MORC1: variants seen among roughly 807,000 people sequenced by gnomAD.
The protein encoded by MORC1 is MORC family CW-type zinc finger protein 1.
A neutral mutation model predicts 134.9 loss-of-function variants in MORC1; 59 were observed. The observed-to-expected ratio is 0.44, with a 90% CI of 0.35 to 0.54. The LOEUF (loss-of-function observed/expected upper bound fraction) is 0.54. Ranked by LOEUF, MORC1 falls within the 20% of genes least tolerant of loss-of-function variation. The pLI, the probability that MORC1 is intolerant of heterozygous loss-of-function variation, is 0.00. For missense variants in MORC1, 947 were observed against 1,134.5 expected, an observed-to-expected ratio of 0.83 and a Z score of 2.37; for synonymous variants, 395 against 391.7, an observed-to-expected ratio of 1.01 and a Z score of -0.10.
At chr3:109,080,225 T>G (rs941177719) in intron 8 of MORC1, among the ~76,000 whole-genome samples, 1 of 152,146 alleles carries the variant, frequency 6.6e-6, no homozygotes, top group African/African-American at 2.4e-5. Flanking sequence ...TGGGGAAGCC[T>G]CACAATCATG....
At chr3:109,033,030 T>C (rs1949274992) in intron 15 of MORC1, among the ~76,000 whole-genome samples, 1 of 152,150 alleles carries the variant, frequency 6.6e-6, no homozygotes, top group Non-Finnish European at 1.5e-5. Context: ...GTTATTATTA[T>C]TATTATCTCA....
chr3:109,006,231 A>G (rs1948536116), intron 18 of MORC1, among the ~76,000 whole-genome samples: 1 of 152,186 alleles, frequency 6.6e-6, no homozygotes, highest in African/African-American at 2.4e-5. Context: ...TGGTGATCTT[A>G]GATAAATTAC....
At chr3:109,077,850 T>C (rs769837780) in intron 8 of MORC1, among the ~76,000 whole-genome samples, 5 of 152,002 alleles carry the variant, frequency 3.3e-5, no homozygotes, top group Non-Finnish European at 5.9e-5. Context: ...TCTAGTTATA[T>C]GCTGTTTGTA....
At chr3:108,982,544 C>T (rs1417549628) in intron 23 of MORC1, among the ~76,000 whole-genome samples, 3 of 121,786 alleles carry the variant, frequency 2.5e-5, no homozygotes, top group African/African-American at 1.0e-4. Context: ...CACTTGGACA[C>T]AGGGTGGGGA....
At chr3:109,092,600 T>C (rs12638235) in intron 8 of MORC1, among the ~76,000 whole-genome samples, 72,229 of 152,028 alleles carry the variant, frequency 0.48, 20,310 homozygotes, top group East Asian at 0.9. Context: ...TCAATATTTT[T>C]CATATTGAAA....
intron 17 of MORC1, among the ~76,000 whole-genome samples, chr3:109,011,200 G>A (rs1182185586): frequency 6.6e-6 from 1 of 152,146 alleles, no homozygotes. Context: ...GGGCAACACA[G>A]TGAGACCACA....
intron 8 of MORC1, among the ~76,000 whole-genome samples, chr3:109,090,942 G>A (rs993298848): frequency 2.0e-5 from 3 of 152,002 alleles, no homozygotes; most frequent in Admixed American, 1.3e-4. Context: ...CCAGATTAGA[G>A]GTTCAAATAT....
chr3:108,963,416 G>C lies in MORC1; in HGVS notation c.2797C>G (p.Leu933Val). 1 of 1,609,236 alleles carries C rather than the reference G, an allele frequency of 6.2e-7. No homozygotes were observed. Among genetic ancestry groups the C allele is most frequent in the Non-Finnish European group, 8.5e-7 (1 of 1,178,706 alleles). ...TCAAATACAACTTTTTCACTCACCA[G>C]TTGGAGTTTCTGCAACAATAGTGCC... ...KLALLLQKLQ[L>V]GGPEGDLEQT... The change falls in exon 27 of 28, where the codon CTG becomes GTG. Residue 933 changes from leucine (L) to valine (V), a missense_variant and splice_region_variant. Physicochemically the swap from Leu to Val is conservative, Grantham distance 32. Transcript: ENST00000232603.
At chr3:109,044,938 C>T (rs866643759) in intron 14 of MORC1, among the ~76,000 whole-genome samples, 27 of 137,670 alleles carry the variant, frequency 2.0e-4, no homozygotes, top group African/African-American at 6.8e-4. Context: ...GAGTGAGACT[C>T]TGTCTCAAAA....
At chr3:109,007,864 A>T (rs1028523919) in intron 17 of MORC1, among the ~76,000 whole-genome samples, 1 of 152,100 alleles carries the variant, frequency 6.6e-6, no homozygotes, top group South Asian at 2.1e-4. Context: ...TATTCCATTA[A>T]TATGTGACCA....
chr3:109,084,587 A>G (rs1379478490), intron 8 of MORC1, among the ~76,000 whole-genome samples: 1 of 152,134 alleles, frequency 6.6e-6, no homozygotes, highest in African/African-American at 2.4e-5. Context: ...ACCCAAAGCA[A>G]TTTACACATT....
chr3:109,051,379 T>C (rs1260702994), intron 14 of MORC1, among the ~76,000 whole-genome samples: 2 of 152,238 alleles, frequency 1.3e-5, no homozygotes, highest in Admixed American at 6.5e-5. Context: ...CCTGTAATAC[T>C]GGTTTTCAGA....
chr3:108,969,812 A>T, intron 25 of MORC1, 90 bp from the exon 26 acceptor site: 1 of 1,285,790 alleles, frequency 7.8e-7, no homozygotes, highest in South Asian at 1.2e-5. Flanking sequence ...CATTGAGTAT[A>T]AAAAGCATCA....
intron 21 of MORC1, among the ~76,000 whole-genome samples, chr3:108,996,286 G>GCGCGCACGCACACACACACACA: frequency 2.0e-5 from 3 of 146,382 alleles, no homozygotes; most frequent in African/African-American, 7.7e-5. Flanking sequence ...GCGCGCGCGC[G>GCGCGCACGCACACACACACACA]CACACACACA....
intron 24 of MORC1, among the ~76,000 whole-genome samples, chr3:108,971,897 G>A (rs1000006707): frequency 6.6e-5 from 10 of 152,020 alleles, no homozygotes; most frequent in Non-Finnish European, 1.3e-4. Context: ...ACAATGCCTC[G>A]CAATCCATGA....
At chr3:109,092,618 G>A (rs1398975580) in intron 8 of MORC1, among the ~76,000 whole-genome samples, 1 of 151,906 alleles carries the variant, frequency 6.6e-6, no homozygotes, top group Non-Finnish European at 1.5e-5. Context: ...AAATTTAAAT[G>A]ACAATATTTT....
Position 108,965,719 on chromosome 3 carries a change from T to C in MORC1, c.2605-2111A>G, listed in dbSNP as rs79770762. Among the ~76,000 whole-genome samples, 456 of 152,296 alleles carry C rather than the reference T, an allele frequency of 3.0e-3. 1 individual carries two copies. Among genetic ancestry groups the C allele is most frequent in the African/African-American group, 9.3e-3 (387 of 41,552 alleles). On this transcript the variant is annotated intron_variant, in intron 26 of 27. Transcript: ENST00000232603. ...GATATTGTACCATAATTATGCATAATTATGCACTGGGGAAACCGGGTGATG... is the reference window on the plus strand; with the variant it reads ...GATATTGTACCATAATTATGCATAACTATGCACTGGGGAAACCGGGTGATG...
chr3:108,982,585 G>GGC (rs1553743069), intron 23 of MORC1, among the ~76,000 whole-genome samples: 1 of 151,432 alleles, frequency 6.6e-6, no homozygotes, highest in Admixed American at 6.6e-5. Context: ...TCGTGGGATG[G>GGC]GGGGGGCAGG....
intron 20 of MORC1, among the ~76,000 whole-genome samples, chr3:109,004,370 A>G (rs1389421560): frequency 1.3e-5 from 2 of 152,370 alleles, no homozygotes; most frequent in African/African-American, 4.8e-5. Context: ...CTAGGCAGTA[A>G]ATTTTGGCTT....
Sources: gnomAD v4.1 joint callset for allele counts (sites outside exome capture counted in the v4.1 genomes callset) on GRCh38, gnomAD v4.1.1 for gene constraint, MANE v1.5 for transcripts, NCBI Gene and HGNC (gene_info 2026-07-23, HGNC 2026-07-21) for gene names.